Variants in SERPINA12 observed in about 807,000 individuals in gnomAD.
The protein encoded by SERPINA12 is serpin A12.
A neutral mutation model predicts 25.9 loss-of-function variants in SERPINA12; 21 were observed. The ratio of observed to expected loss-of-function variants is 0.81; its 90% CI spans 0.58 to 1.17. The LOEUF (loss-of-function observed/expected upper bound fraction) is 1.17, where lower values mean the gene tolerates loss of function less well. Ranked by LOEUF, SERPINA12 falls within the 50% of genes most tolerant of loss-of-function variation. The pLI, the probability that SERPINA12 is intolerant of heterozygous loss-of-function variation, is 0.00. For synonymous variants in SERPINA12, 220 were observed against 196.0 expected, an observed-to-expected ratio of 1.12 and a Z score of -1.02; for missense variants, 562 against 508.3, an observed-to-expected ratio of 1.11 and a Z score of -1.02.
At chr14:94,499,209 G>A (rs1327562082) in intron 1 of SERPINA12, among the ~76,000 whole-genome samples, 1 of 152,130 alleles carries the variant, frequency 6.6e-6, no homozygotes. Flanking sequence ...ACTCATTCCA[G>A]GAGGACTTAG....
At chr14:94,504,935 T>C (rs536977313) in intron 1 of SERPINA12, among the ~76,000 whole-genome samples, 2 of 152,346 alleles carry the variant, frequency 1.3e-5, no homozygotes, top group Admixed American at 6.5e-5. Context: ...TATCTTCAGT[T>C]TTACCACTTG....
intron 1 of SERPINA12, among the ~76,000 whole-genome samples, chr14:94,506,232 G>A (rs185427880): frequency 6.6e-6 from 1 of 152,320 alleles, no homozygotes; most frequent in East Asian, 1.9e-4. Context: ...GCCATGTGTA[G>A]GGGTGAGAGG....
upstream of SERPINA12, chr14:94,510,113 G>A: frequency 2.0e-6 from 2 of 985,416 alleles, no homozygotes; most frequent in Non-Finnish European, 2.4e-6. Flanking sequence ...TAATGCACCT[G>A]GTGGCTGGAG....
intron 3 of SERPINA12, among the ~76,000 whole-genome samples, chr14:94,495,064 C>CTTTTTTTTT (rs71129685): frequency 2.0e-5 from 2 of 98,222 alleles, no homozygotes; most frequent in Non-Finnish European, 4.1e-5. Flanking sequence ...ATTTCCCTTT[C>CTTTTTTTTT]TTTTTTTTTT....
At chr14:94,514,639 C>T (rs562159200) in intron 2 of SERPINA12, among the ~76,000 whole-genome samples, 1 of 152,276 alleles carries the variant, frequency 6.6e-6, no homozygotes, top group African/African-American at 2.4e-5. Flanking sequence ...CAGTTGGGGC[C>T]GGATGCTCTC....
chr14:94,515,122 C>T (rs560404060), intron 2 of SERPINA12, among the ~76,000 whole-genome samples: 4 of 152,216 alleles, frequency 2.6e-5, no homozygotes, highest in Admixed American at 2.0e-4. Flanking sequence ...AGCACGGCCA[C>T]GGTTACCAAT....
intron 3 of SERPINA12, 139 bp from the exon 4 acceptor site, chr14:94,489,906 G>A (rs1900090694): frequency 7.1e-6 from 6 of 839,528 alleles, no homozygotes; most frequent in Non-Finnish European, 1.1e-5. Flanking sequence ...GAATGAGGAG[G>A]GGCTCCTTAA....
intron 3 of SERPINA12, among the ~76,000 whole-genome samples, chr14:94,495,880 T>C (rs989269003): frequency 1.3e-5 from 2 of 152,200 alleles, no homozygotes; most frequent in African/African-American, 4.8e-5. Flanking sequence ...CTAATATCAG[T>C]TTATGTTTTA....
Position 94,487,357 on chromosome 14 carries a change from C to T in SERPINA12, c.1191G>A (p.Glu397=), listed in dbSNP as rs1381773545. 6.2e-7 allele frequency: 1 copy of T among 1,614,034 alleles called. No homozygotes were observed. The highest frequency in any genetic ancestry group is 8.5e-7 in the Non-Finnish European group (1 of 1,180,026). Residue 397 remains glutamate, a synonymous_variant, in exon 5 of 5, where the codon GAG becomes GAA. Transcript: ENST00000677451. ...CCAGGAAGAGCACGGAAGGTATTTT[C>T]TCGCTGTAAATCAGCAGCAGATAGG... ...DKPYLLLIYS[E]KIPSVLFLGK...
At chr14:94,510,142 G>T (rs1446556272), upstream of SERPINA12, 1 of 985,274 alleles carries the variant, frequency 1.0e-6, no homozygotes, top group African/African-American at 1.7e-5. Flanking sequence ...CCTTCCTCTG[G>T]TTCTCAGTGT....
At chr14:94,505,218 A>G (rs1340852058) in intron 1 of SERPINA12, among the ~76,000 whole-genome samples, 1 of 152,222 alleles carries the variant, frequency 6.6e-6, no homozygotes, top group African/African-American at 2.4e-5. Context: ...TCTCATTCCC[A>G]GAGCTATTCA....
chr14:94,498,523 A>T (rs1900572565), intron 1 of SERPINA12, 93 bp from the exon 2 acceptor site: 1 of 1,051,314 alleles, frequency 9.5e-7, no homozygotes, highest in African/African-American at 1.6e-5. Flanking sequence ...AGTGACTATT[A>T]TGTGTTGTAC....
At chr14:94,493,923 CA>C (rs1900286271) in intron 3 of SERPINA12, among the ~76,000 whole-genome samples, 1 of 152,176 alleles carries the variant, frequency 6.6e-6, no homozygotes, top group African/African-American at 2.4e-5. Context: ...GTGGTCACAG[CA>C]CCAGGGGCTG....
At chr14:94,492,269 G>T (rs1292451523) in intron 3 of SERPINA12, among the ~76,000 whole-genome samples, 2 of 152,136 alleles carry the variant, frequency 1.3e-5, no homozygotes, top group African/African-American at 2.4e-5. Context: ...AGGAACTAGG[G>T]GCTGTGAACA....
At chr14:94,509,004 A>G (rs918029683) in intron 1 of SERPINA12, among the ~76,000 whole-genome samples, 1 of 152,204 alleles carries the variant, frequency 6.6e-6, no homozygotes, top group African/African-American at 2.4e-5. Flanking sequence ...TTTACACATG[A>G]GAAATCTGAG....
intron 2 of SERPINA12, among the ~76,000 whole-genome samples, chr14:94,514,530 G>C (rs1252256332): frequency 6.6e-6 from 1 of 152,246 alleles, no homozygotes; most frequent in African/African-American, 2.4e-5. Context: ...AGCAGGGCTG[G>C]GGTCGGGTGG....
rs553658394 is a variant in SERPINA12, at chr14:94,509,432, G to A, written c.-124C>T. 7.9e-5 allele frequency among the ~76,000 whole-genome samples: 12 copies of A among 151,906 alleles called. No homozygotes were observed. Among genetic ancestry groups the A allele is most frequent in the Non-Finnish European group, 1.5e-4 (10 of 67,962 alleles). ...ATCCCAGCCTCCTAGTCCTTTTTCG[G>A]TCCTGGTCCTGCAGCCTTCAGGTTC... On this transcript the variant is annotated 5_prime_UTR_variant, in exon 1 of 5. Transcript: ENST00000677451.
At chr14:94,505,492 C>A (rs1900899376) in intron 1 of SERPINA12, among the ~76,000 whole-genome samples, 1 of 152,208 alleles carries the variant, frequency 6.6e-6, no homozygotes, top group Admixed American at 6.5e-5. Context: ...TTCACACTGG[C>A]CGGCTCTGGT....
Position 94,487,510 on chromosome 14 carries a change from G to C in SERPINA12, c.1054-16C>G, listed in dbSNP as rs748887533. 6.3e-7 allele frequency: 1 copy of C among 1,591,320 alleles called. No homozygotes were observed. Among genetic ancestry groups the C allele is most frequent in the Non-Finnish European group, 8.6e-7 (1 of 1,169,074 alleles). ...TGTGCACAGCCTACGGAAGCCAAGGGCAAAGTCAAGGTCTGCCAAGCTCCT... is the reference window on the plus strand; with the variant it reads ...TGTGCACAGCCTACGGAAGCCAAGGCCAAAGTCAAGGTCTGCCAAGCTCCT... On this transcript the variant is annotated splice_polypyrimidine_tract_variant and intron_variant, in intron 4 of 4. Transcript: ENST00000677451.
Sources: allele counts gnomAD v4.1 joint callset (sites outside exome capture counted in the v4.1 genomes callset), GRCh38; gene constraint gnomAD v4.1.1; transcripts MANE v1.5; gene names NCBI Gene and HGNC (gene_info 2026-07-23, HGNC 2026-07-21).